STAU1: variants seen among roughly 807,000 people sequenced by gnomAD.
STAU1 encodes double-stranded RNA-binding protein Staufen homolog 1.
Under a neutral mutation model 62.9 loss-of-function variants are expected in STAU1, and 13 were observed. The observed-to-expected ratio is 0.21, with a 90% CI of 0.13 to 0.33. STAU1 has a LOEUF of 0.33. STAU1 is among the 10% of genes least tolerant of loss of function. The pLI, the probability that STAU1 is intolerant of heterozygous loss-of-function variation, is 1.00. For synonymous variants in STAU1, 269 were observed against 265.1 expected, an observed-to-expected ratio of 1.01 and a Z score of -0.14; for missense variants, 571 against 712.1, an observed-to-expected ratio of 0.80 and a Z score of 2.25.
rs2093520379 is a variant in STAU1 at position 49,166,019 on chromosome 20, A to G, written c.183T>C (p.Ile61=). 1.2e-6 allele frequency: 2 copies of G among 1,614,196 alleles called. No homozygotes were observed. Among genetic ancestry groups the G allele is most frequent in the Admixed American group, 1.7e-5 (1 of 60,016 alleles). The part of the protein sequence containing the change: ...IQNSALPSAS[I]TSTSAAAESI... ...TACCTGCAGCTGCACTGGTGGATGT[A>G]ATAGATGCAGAGGGTAAAGCAGAGT... is the stretch of plus-strand genomic sequence containing the variant. The change falls in exon 3 of 14, where the codon ATT becomes ATC. Residue 61 remains isoleucine (I), a synonymous_variant. Transcript: ENST00000371856.
At chr20:49,156,599 G>A (rs1456378694) in intron 3 of STAU1, among the ~76,000 whole-genome samples, 1 of 152,184 alleles carries the variant, frequency 6.6e-6, no homozygotes, top group Non-Finnish European at 1.5e-5. Flanking sequence ...GCAGCTGTGT[G>A]TTTGACCTTT....
At chr20:49,136,237 G>A (rs542282607) in intron 5 of STAU1, among the ~76,000 whole-genome samples, 4 of 152,268 alleles carry the variant, frequency 2.6e-5, no homozygotes, top group African/African-American at 9.6e-5. Flanking sequence ...GGAGATCGAG[G>A]CTGCAGTAAG....
chr20:49,118,487 TAC>T lies in STAU1; in HGVS notation c.1114-81_1114-80del, dbSNP rs1470588131. The T allele has an allele frequency of 3.6e-6, 4 of 1,123,826 alleles. No homozygotes were observed. The African/African-American group carries it at 4.7e-5, about 13-fold the overall frequency. 69.6% of individuals were successfully genotyped at this position (1,123,826 alleles called of 1,614,324 possible). On this transcript the variant is annotated intron_variant, in intron 9 of 13. Transcript: ENST00000371856. The stretch of plus-strand genomic sequence containing the variant: ...AAAATTAGCTCCTGCTGTCTAAATC[TAC>T]ACAAAGTCCAGTCAGCAATAACTGT...
intron 6 of STAU1, among the ~76,000 whole-genome samples, chr20:49,129,701 C>G (rs1237335427): frequency 1.5e-5 from 2 of 134,240 alleles, no homozygotes; most frequent in African/African-American, 2.9e-5. Flanking sequence ...GTAGCATGAT[C>G]TCGGCTCACT....
At chr20:49,209,504 G>A in the STAU1 span, among the ~76,000 whole-genome samples, 26 of 150,806 alleles carry the variant, frequency 1.7e-4, no homozygotes, top group Non-Finnish European at 3.4e-4. Context: ...CACAGTTTGC[G>A]AGGCCAAGTT....
intron 6 of STAU1, chr20:49,134,436 A>C: frequency 5.9e-6 from 1 of 168,910 alleles, no homozygotes; most frequent in Non-Finnish European, 1.1e-5. Flanking sequence ...ATCTCAGGGA[A>C]AAAAAAAAAA....
At chr20:49,203,628 T>C in the STAU1 span, among the ~76,000 whole-genome samples, 1 of 152,218 alleles carries the variant, frequency 6.6e-6, no homozygotes. Flanking sequence ...CTTTTAAATA[T>C]GCATATATAA....
Position 49,120,066 on chromosome 20 carries a change from A to T in STAU1, c.1029T>A (p.Asn343Lys), listed in dbSNP as rs1288128969. 6.2e-7 allele frequency: 1 copy of T among 1,614,094 alleles called. No homozygotes were observed. The highest frequency in any genetic ancestry group is 8.5e-7 in the Non-Finnish European group (1 of 1,180,042). Reference protein sequence around the residue: ...TGTNKKVAKRNAAENMLEILG... With the variant: ...TGTNKKVAKRKAAENMLEILG... ...GGATCTCCAGCATGTTCTCGGCTGC[A>T]TTGCGCTTGGCCACCTTCTTGTTGG... The change falls in exon 9 of 14, where the codon AAT (asparagine) becomes AAA (lysine). Residue 343 changes from asparagine (N) to lysine (K), a missense_variant. Asn to Lys is a moderately conservative substitution (Grantham distance 94, BLOSUM62 0). Coordinates refer to ENST00000371856, the MANE Select transcript of STAU1 (RefSeq NM_017453.4).
intron 3 of STAU1, chr20:49,159,167 A>C: frequency 9.2e-7 from 1 of 1,081,644 alleles, no homozygotes; most frequent in Non-Finnish European, 1.1e-6. Context: ...AAAAACACAC[A>C]AAGTTATTCT....
the STAU1 span, among the ~76,000 whole-genome samples, chr20:49,198,846 C>G: frequency 2.6e-5 from 4 of 152,134 alleles, no homozygotes; most frequent in South Asian, 6.2e-4. Context: ...GCCTATAGTC[C>G]CAGCTACTTT....
the STAU1 span, among the ~76,000 whole-genome samples, chr20:49,212,143 C>T: frequency 6.6e-6 from 1 of 152,136 alleles, no homozygotes; most frequent in African/African-American, 2.4e-5. Context: ...GTACATACCA[C>T]CATGCCTGGC....
At chr20:49,205,301 C>T in the STAU1 span, among the ~76,000 whole-genome samples, 1 of 151,334 alleles carries the variant, frequency 6.6e-6, no homozygotes, top group Non-Finnish European at 1.5e-5. Flanking sequence ...ATTACGCACA[C>T]AAGTGCTCTT....
chr20:49,177,769 G>A (rs2093677635), intron 1 of STAU1, among the ~76,000 whole-genome samples: 1 of 152,112 alleles, frequency 6.6e-6, no homozygotes, highest in Admixed American at 6.6e-5. Flanking sequence ...TAAAGACAAT[G>A]CTAAAAAATA....
In STAU1 at chr20:49,118,334, A is replaced by G; in HGVS notation, c.1188T>C (p.Thr396=). ...AGACGATATTAAGATCACACTTACT[A>G]GTCCCATTTTCATCCCCAGAGCCAG... ...FEPGSGDENG[T]SNKEDEFRMP... The change falls in exon 10 of 14, where the codon ACT becomes ACC. Residue 396 remains threonine (T), a splice_region_variant and synonymous_variant. Transcript: ENST00000371856. The G allele has an allele frequency of 6.2e-7, 1 of 1,613,160 alleles. No individual in the cohort carries two copies. Among genetic ancestry groups the G allele is most frequent in the Non-Finnish European group, 8.5e-7 (1 of 1,179,256 alleles).
chr20:49,197,021 G>A, the STAU1 span, among the ~76,000 whole-genome samples: 1 of 151,884 alleles, frequency 6.6e-6, no homozygotes, highest in South Asian at 2.1e-4. Context: ...CAGGCGTGGC[G>A]GCATGCACCT....
At chr20:49,167,871 C>CT in intron 2 of STAU1, among the ~76,000 whole-genome samples, 1 of 152,198 alleles carries the variant, frequency 6.6e-6, no homozygotes, top group African/African-American at 2.4e-5. Flanking sequence ...AACCACAGGT[C>CT]TCAAGGTCAA....
Position 49,125,198 on chromosome 20 carries a change from C to CAAAAAAAAAAAA in STAU1, c.610-623_610-612dup, listed in dbSNP as rs1171534142. On this transcript the variant is annotated intron_variant, in intron 6 of 13. Coordinates refer to ENST00000371856, the MANE Select transcript of STAU1 (RefSeq NM_017453.4). ...ACACACATTTATAAGCTCATTTTTG[C>CAAAAAAAAAAAA]AAAAAAAAAAAAAAAAAAAAAAAAA... Among the ~76,000 whole-genome samples the CAAAAAAAAAAAA allele has an allele frequency of 2.2e-3, 73 of 33,730 alleles. 2 individuals carry two copies. Among genetic ancestry groups the CAAAAAAAAAAAA allele is most frequent in the Admixed American group, 4.2e-3 (8 of 1,892 alleles). The allele number at this position is 33,730 out of a possible 152,430, so 22.1% of individuals were successfully genotyped here. A position where few individuals can be genotyped will look rare whatever the true frequency, so the allele number is the denominator to read the frequency against.
Position 49,125,356 on chromosome 20 carries a change from C to T in STAU1, c.610-769G>A, listed in dbSNP as rs1394129966. On this transcript the variant is annotated intron_variant, in intron 6 of 13. Coordinates refer to ENST00000371856, the MANE Select transcript of STAU1 (RefSeq NM_017453.4). ...CCAGCCTGGCCAACATGGTGAAACC[C>T]CCATCTCTACTAAAAATACAAAAAT... is the stretch of plus-strand genomic sequence containing the variant. 1.6e-4 allele frequency among the ~76,000 whole-genome samples: 24 copies of T among 150,758 alleles called. 1 individual carries two copies. Among genetic ancestry groups the T allele is most frequent in the Admixed American group, 1.5e-3 (23 of 15,150 alleles).
chr20:49,168,417 G>A (rs2093554724), intron 2 of STAU1, among the ~76,000 whole-genome samples: 1 of 152,044 alleles, frequency 6.6e-6, no homozygotes, highest in Non-Finnish European at 1.5e-5. Flanking sequence ...TCTAGAAGCT[G>A]AGAAAGGAAT....
Sources: allele counts gnomAD v4.1 joint callset (sites outside exome capture counted in the v4.1 genomes callset), GRCh38; gene constraint gnomAD v4.1.1; transcripts MANE v1.5; gene names NCBI Gene and HGNC (gene_info 2026-07-23, HGNC 2026-07-21).